The following ZDHHC23 variants were observed in gnomAD, a reference collection of about 807,000 sequenced individuals.
ZDHHC23 encodes zDHHC palmitoyltransferase 23.
In ZDHHC23, 41 loss-of-function variants were observed where a neutral mutation model predicts 40.2. The observed-to-expected ratio is 1.02, with a 90% CI of 0.79 to 1.32. The LOEUF is 1.32. Among genes scored for constraint, ZDHHC23 ranks in the 40% most tolerant of loss-of-function variants. ZDHHC23 has a pLI of 0.00. For missense variants in ZDHHC23, 471 were observed against 541.5 expected (o/e 0.87, Z 1.29); for synonymous variants, 204 against 210.2 (o/e 0.97, Z 0.26).
At chr3:113,957,025 C>T (rs1939291345) in intron 4 of ZDHHC23, among the ~76,000 whole-genome samples, 1 of 152,160 alleles carries the variant, frequency 6.6e-6, no homozygotes, top group Non-Finnish European at 1.5e-5. Flanking sequence ...TACTTTCTTT[C>T]TTTTTTTAAT....
At chr3:113,957,790 T>C in intron 4 of ZDHHC23, 1 of 518,766 alleles carries the variant, frequency 1.9e-6, no homozygotes. Context: ...TTCCCTACCT[T>C]GTGTGATTGT....
chr3:113,955,751 T>A (rs1939165346), intron 3 of ZDHHC23, among the ~76,000 whole-genome samples: 1 of 152,218 alleles, frequency 6.6e-6, no homozygotes, highest in Non-Finnish European at 1.5e-5. Flanking sequence ...CATAGCTGGG[T>A]AATATTGATA....
the ZDHHC23 span, among the ~76,000 whole-genome samples, chr3:113,973,646 G>A: frequency 6.7e-6 from 1 of 149,262 alleles, no homozygotes; most frequent in Admixed American, 6.7e-5. Flanking sequence ...TCATCCTGCT[G>A]TCTCCTGGCC....
downstream of ZDHHC23, among the ~76,000 whole-genome samples, chr3:113,969,425 G>C (rs888702775): frequency 8.5e-5 from 13 of 152,184 alleles, no homozygotes; most frequent in Admixed American, 5.9e-4. Flanking sequence ...TCTTTGGCCA[G>C]ACCAGTGGCC....
At chr3:113,951,930 G>A (rs1054351714) in intron 2 of ZDHHC23, among the ~76,000 whole-genome samples, 1 of 152,138 alleles carries the variant, frequency 6.6e-6, no homozygotes. Flanking sequence ...CTGAGGTCAG[G>A]AGTTCAAGAC....
rs532588442 is a variant in ZDHHC23, at chr3:113,954,293, G to T, written c.755G>T (p.Ser252Ile). The change falls in exon 3 of 5, where the codon AGC becomes ATC. Residue 252 changes from serine (S) to isoleucine (I), a missense_variant. Ser to Ile is a moderately radical substitution (Grantham distance 142). This residue lies in a region of ZDHHC23 where 346 missense variants were observed against 399.8 expected (regional missense o/e 0.87). Transcript: ENST00000638807. ...PKGSSKMPAG[S>I]PTKAKEDWCA... ...GGCTCTTCCAAGATGCCAGCTGGAA[G>T]CCCCACCAAAGCGAAGGAGGACTGG... 2 of 1,614,136 alleles carry T rather than the reference G, an allele frequency of 1.2e-6. No individual in the cohort carries two copies. The highest frequency in any genetic ancestry group is 2.2e-5 in the South Asian group (2 of 91,072).
chr3:113,958,661 A>G lies in ZDHHC23; in HGVS notation c.*31A>G, dbSNP rs748951703. Reference sequence around the variant, plus strand: ...CTTCTATGTGGCTCTCTGAGGGATGATGGCTCCTCCTTCCGTCTCCCTTCC... The same window carrying G: ...CTTCTATGTGGCTCTCTGAGGGATGGTGGCTCCTCCTTCCGTCTCCCTTCC... On this transcript the variant is annotated 3_prime_UTR_variant, in exon 5 of 5. Coordinates refer to ENST00000638807, the MANE Select transcript of ZDHHC23 (RefSeq NM_001320466.2). 1 of 1,593,736 alleles carries G rather than the reference A, an allele frequency of 6.3e-7. No individual in the cohort carries two copies. Among genetic ancestry groups the G allele is most frequent in the Non-Finnish European group, 8.5e-7 (1 of 1,177,452 alleles).
chr3:113,967,697 A>G (rs1940352731), downstream of ZDHHC23, among the ~76,000 whole-genome samples: 2 of 152,200 alleles, frequency 1.3e-5, no homozygotes, highest in African/African-American at 4.8e-5. Flanking sequence ...ATTATTAACT[A>G]TAGTCATCCT....
Position 113,960,504 on chromosome 3 carries a change from G to T in ZDHHC23, c.*1874G>T. The T allele has an allele frequency of 1.4e-6, 2 of 1,398,664 alleles. No individual in the cohort carries two copies. The highest frequency in any genetic ancestry group is 9.2e-7 in the Non-Finnish European group (1 of 1,084,358). The allele number at this position is 1,398,664 out of a possible 1,614,324, so 86.6% of individuals were successfully genotyped here. ...TGTGTGGGCAGAAATTGGTAGTCGT[G>T]CTTTTGAATGTCAGCTGTAGAGCCA... On this transcript the variant is annotated 3_prime_UTR_variant, in exon 5 of 5. Coordinates refer to ENST00000638807, the MANE Select transcript of ZDHHC23 (RefSeq NM_001320466.2).
chr3:113,970,260 T>G (rs145854063), downstream of ZDHHC23, among the ~76,000 whole-genome samples: 145 of 152,314 alleles, frequency 9.5e-4, no homozygotes, highest in Non-Finnish European at 1.7e-3. Flanking sequence ...GGTGGAGTCT[T>G]TAGGTTTTTC....
downstream of ZDHHC23, chr3:113,965,048 C>T (rs531212298): frequency 3.5e-6 from 2 of 578,878 alleles, no homozygotes; most frequent in Non-Finnish European, 5.8e-6. Flanking sequence ...TAAGAAGTAG[C>T]TCGTAGAGAA....
At chr3:113,977,041 C>A in the ZDHHC23 span, among the ~76,000 whole-genome samples, 1 of 152,124 alleles carries the variant, frequency 6.6e-6, no homozygotes, top group Non-Finnish European at 1.5e-5. Context: ...AAGATAGGAA[C>A]ACTATTACAA....
At chr3:113,965,088 G>T (rs1188003190), downstream of ZDHHC23, 9 of 858,694 alleles carry the variant, frequency 1.0e-5, no homozygotes, top group Non-Finnish European at 1.6e-5. Context: ...TATGTGTGTG[G>T]GTGGGTGGAG....
chr3:113,969,589 C>G (rs1940591229), downstream of ZDHHC23, among the ~76,000 whole-genome samples: 1 of 152,026 alleles, frequency 6.6e-6, no homozygotes, highest in Non-Finnish European at 1.5e-5. Context: ...TTTCCAGCAC[C>G]ATTTATTAAA....
chr3:113,965,111 C>G (rs777296671), downstream of ZDHHC23: 6 of 1,288,470 alleles, frequency 4.7e-6, no homozygotes, highest in East Asian at 4.8e-5. Flanking sequence ...AACACACATA[C>G]AGACTAGTCG....
At chr3:113,948,371 C>T (rs1360824026) in intron 1 of ZDHHC23, 181 bp downstream of exon 1, 2 of 171,088 alleles carry the variant, frequency 1.2e-5, no homozygotes, top group Non-Finnish European at 2.5e-5. Flanking sequence ...CGGGCATATG[C>T]TTCGCCTTTC....
the ZDHHC23 span, among the ~76,000 whole-genome samples, chr3:113,972,419 C>T: frequency 2.6e-5 from 4 of 151,942 alleles, no homozygotes; most frequent in African/African-American, 9.7e-5. Flanking sequence ...TAATTTTATT[C>T]TATTGTGGTC....
Position 113,960,551 on chromosome 3 carries a change from A to G in ZDHHC23, c.*1921A>G, listed in dbSNP as rs775504484. ...GCCAACTCTGATTATCTAGCCATTGATCATACAAATTGATAGAAACATTAG... is the reference window on the plus strand; with the variant it reads ...GCCAACTCTGATTATCTAGCCATTGGTCATACAAATTGATAGAAACATTAG... On this transcript the variant is annotated 3_prime_UTR_variant, in exon 5 of 5. Transcript: ENST00000638807. The G allele has an allele frequency of 1.5e-5, 21 of 1,447,740 alleles. No individual in the cohort carries two copies. Among genetic ancestry groups the G allele is most frequent in the Non-Finnish European group, 1.9e-5 (21 of 1,107,754 alleles). The allele number at this position is 1,447,740 out of a possible 1,614,324, so 89.7% of individuals were successfully genotyped here.
At chr3:113,965,470 T>C (rs1394423588), downstream of ZDHHC23, 5 of 569,004 alleles carry the variant, frequency 8.8e-6, no homozygotes, top group African/African-American at 1.9e-5. Context: ...AAATGCTGTA[T>C]AAAAGGTGTG....
Sources: gnomAD v4.1 joint callset for allele counts (sites outside exome capture counted in the v4.1 genomes callset) on GRCh38, gnomAD v4.1.1 for gene constraint, gnomAD v4.1.1 regional missense constraint, MANE v1.5 for transcripts, NCBI Gene and HGNC (gene_info 2026-07-23, HGNC 2026-07-21) for gene names.